Variants in DOCK3 observed in about 807,000 individuals in gnomAD.
The protein encoded by DOCK3 is dedicator of cytokinesis protein 3.
Under a neutral mutation model 265.6 loss-of-function variants are expected in DOCK3, and 60 were observed. The ratio of observed to expected loss-of-function variants is 0.23; its 90% CI spans 0.18 to 0.28. The LOEUF (loss-of-function observed/expected upper bound fraction) is 0.28. Ranked by LOEUF, DOCK3 falls within the 10% of genes least tolerant of loss-of-function variation. DOCK3 has a pLI of 1.00. For missense variants in DOCK3, 1,981 were observed against 2,594.3 expected, an observed-to-expected ratio of 0.76 and a Z score of 5.14; for synonymous variants, 881 against 938.0, an observed-to-expected ratio of 0.94 and a Z score of 1.11.
chr3:51,073,393 C>T (rs2081954472), intron 6 of DOCK3, among the ~76,000 whole-genome samples: 1 of 152,236 alleles, frequency 6.6e-6, no homozygotes, highest in Admixed American at 6.5e-5. Flanking sequence ...GTGAACACTA[C>T]TGCCTTTGCA....
intron 1 of DOCK3, among the ~76,000 whole-genome samples, chr3:50,705,897 A>G (rs1169078096): frequency 6.6e-6 from 1 of 152,000 alleles, no homozygotes; most frequent in Non-Finnish European, 1.5e-5. Context: ...TGGGTGTGTT[A>G]GTGCACACTT....
At chr3:51,149,732 T>C (rs2085484146) in intron 10 of DOCK3, among the ~76,000 whole-genome samples, 1 of 152,326 alleles carries the variant, frequency 6.6e-6, no homozygotes, top group East Asian at 1.9e-4. Flanking sequence ...TGCTGCTGGA[T>C]TCGGTTTGCC....
chr3:51,136,217 T>A (rs1327484575), intron 9 of DOCK3, among the ~76,000 whole-genome samples: 1 of 150,946 alleles, frequency 6.6e-6, no homozygotes, highest in African/African-American at 2.4e-5. Flanking sequence ...CAGTAGTTTG[T>A]CGGTGCCCCC....
intron 32 of DOCK3, among the ~76,000 whole-genome samples, chr3:51,329,053 T>C (rs2084343438): frequency 6.6e-6 from 1 of 152,160 alleles, no homozygotes; most frequent in Admixed American, 6.5e-5. Context: ...CTCAGGAGGC[T>C]GAGGCAGGAG....
chr3:51,356,547 C>A, intron 43 of DOCK3, 54 bp downstream of exon 43: 1 of 1,554,040 alleles, frequency 6.4e-7, no homozygotes, highest in East Asian at 2.2e-5. Context: ...TCAGCCCCAG[C>A]TCTGGGGGCC....
At chr3:51,083,916 G>A (rs998715072) in intron 7 of DOCK3, among the ~76,000 whole-genome samples, 7 of 152,162 alleles carry the variant, frequency 4.6e-5, no homozygotes, top group African/African-American at 1.4e-4. Flanking sequence ...CCCAGGAGGC[G>A]AAGGTTGCAG....
At chr3:51,373,087 G>T (rs183882325) in intron 49 of DOCK3, among the ~76,000 whole-genome samples, 6 of 152,176 alleles carry the variant, frequency 3.9e-5, no homozygotes, top group African/African-American at 7.2e-5. Flanking sequence ...TATTTATTAC[G>T]CTGACTTCTT....
chr3:50,745,757 C>G (rs1302958196), intron 1 of DOCK3, among the ~76,000 whole-genome samples: 1 of 152,234 alleles, frequency 6.6e-6, no homozygotes, highest in Non-Finnish European at 1.5e-5. Flanking sequence ...ATATTGTCCT[C>G]CTACCCAACA....
chr3:50,931,454 C>G (rs1445877308), intron 4 of DOCK3, among the ~76,000 whole-genome samples: 1 of 152,180 alleles, frequency 6.6e-6, no homozygotes. Context: ...CTAATTATCT[C>G]TGCAGCATTC....
At chr3:50,900,981 C>G (rs2049159934) in intron 4 of DOCK3, 1 of 410,554 alleles carries the variant, frequency 2.4e-6, no homozygotes, top group Non-Finnish European at 4.8e-6. Context: ...AGCAGTCTAT[C>G]CCTTAGCAGA....
intron 5 of DOCK3, among the ~76,000 whole-genome samples, chr3:50,996,953 T>C (rs1418254892): frequency 1.3e-5 from 2 of 152,226 alleles, no homozygotes; most frequent in Non-Finnish European, 2.9e-5. Context: ...ATGCTGCTTC[T>C]GCTATCTCGA....
In DOCK3 at chr3:51,291,001, C is replaced by T. The variant is rs371313497; in HGVS notation, c.2922+10797C>T. Reference sequence around the variant, plus strand: ...GCTGAGGCAGAGAATTGTTTGAACCCGGGAGGTGGAGGTTGCAGTAAGCCA... The same window carrying T: ...GCTGAGGCAGAGAATTGTTTGAACCTGGGAGGTGGAGGTTGCAGTAAGCCA... On this transcript the variant is annotated intron_variant, in intron 27 of 52. Coordinates refer to ENST00000266037, the MANE Select transcript of DOCK3 (RefSeq NM_004947.5). Among the ~76,000 whole-genome samples the T allele has an allele frequency of 1.6e-4, 24 of 152,200 alleles. No homozygotes were observed. The East Asian group carries it at 2.7e-3, about 17-fold the overall frequency.
chr3:51,360,428 A>G, intron 46 of DOCK3, 83 bp from the exon 47 acceptor site: 1 of 1,495,340 alleles, frequency 6.7e-7, no homozygotes, highest in African/African-American at 1.4e-5. Context: ...TACATTTTTG[A>G]TCACCAGTCA....
intron 1 of DOCK3, among the ~76,000 whole-genome samples, chr3:50,710,331 A>G (rs1198304969): frequency 6.6e-6 from 1 of 152,136 alleles, no homozygotes; most frequent in East Asian, 1.9e-4. Context: ...AAAACAAATA[A>G]TCCCATCAAA....
Position 51,380,128 on chromosome 3 carries a change from A to G in DOCK3, c.5504A>G (p.His1835Arg). Residue 1835 changes from histidine to arginine, a missense_variant, in exon 52 of 53, where the codon CAT becomes CGT. Physicochemically the swap from His to Arg is conservative, Grantham distance 29 (BLOSUM62 0). Transcript: ENST00000266037. ...DPNLSVAEKG[H>R]YSLHFDAFHH... The stretch of plus-strand genomic sequence containing the variant: ...TCTGGTTCTGTTCCCTTTGCAGGTC[A>G]TTACTCCCTACACTTTGACGCCTTC... 1 of 1,613,038 alleles carries G rather than the reference A, an allele frequency of 6.2e-7. No individual in the cohort carries two copies. Among genetic ancestry groups the G allele is most frequent in the Non-Finnish European group, 8.5e-7 (1 of 1,179,442 alleles).
intron 5 of DOCK3, among the ~76,000 whole-genome samples, chr3:51,034,729 T>C (rs1221946248): frequency 6.6e-6 from 1 of 152,108 alleles, no homozygotes; most frequent in Admixed American, 6.6e-5. Flanking sequence ...GAGTTTCCCC[T>C]TGGGAAAGTT....
At chr3:50,864,619 T>G (rs975338293) in intron 3 of DOCK3, among the ~76,000 whole-genome samples, 5 of 152,140 alleles carry the variant, frequency 3.3e-5, no homozygotes, top group Admixed American at 1.3e-4. Flanking sequence ...TTGATTTTTG[T>G]ATATGGTTGA....
At chr3:51,268,480 T>TC (rs2080317660) in intron 23 of DOCK3, among the ~76,000 whole-genome samples, 1 of 152,220 alleles carries the variant, frequency 6.6e-6, no homozygotes, top group South Asian at 2.1e-4. Flanking sequence ...GTATAGTTCT[T>TC]CAACTTTTTG....
chr3:51,335,569 C>G (rs1017403766), intron 35 of DOCK3, among the ~76,000 whole-genome samples: 2 of 152,208 alleles, frequency 1.3e-5, no homozygotes, highest in Non-Finnish European at 2.9e-5. Context: ...TCCCTGTTCC[C>G]CTGTATGGGG....
Sources: gnomAD v4.1 joint callset for allele counts (sites outside exome capture counted in the v4.1 genomes callset) on GRCh38, gnomAD v4.1.1 for gene constraint, MANE v1.5 for transcripts, NCBI Gene and HGNC (gene_info 2026-07-23, HGNC 2026-07-21) for gene names.